The following KCNH7 variants were observed in gnomAD, a reference collection of about 807,000 sequenced individuals.
KCNH7 encodes the protein potassium voltage-gated channel subfamily H member 7, also known as voltage-gated inwardly rectifying potassium channel KCNH7.
In KCNH7, 49 loss-of-function variants were observed where a neutral mutation model predicts 120.8. That is an observed-to-expected ratio of 0.41 (90% CI 0.32 to 0.51). The LOEUF (loss-of-function observed/expected upper bound fraction) is 0.51, where lower values mean the gene tolerates loss of function less well. KCNH7 is among the 20% of genes least tolerant of loss of function. The pLI, the probability that KCNH7 is intolerant of heterozygous loss-of-function variation, is 0.38. For synonymous variants in KCNH7, 547 were observed against 516.1 expected, an observed-to-expected ratio of 1.06 and a Z score of -0.81; for missense variants, 1,097 against 1,446.6, an observed-to-expected ratio of 0.76 and a Z score of 3.92.
intron 8 of KCNH7, among the ~76,000 whole-genome samples, chr2:162,434,398 T>A (rs1688171548): frequency 6.6e-6 from 1 of 152,120 alleles, no homozygotes; most frequent in South Asian, 2.1e-4. Flanking sequence ...GTTGAAATTA[T>A]TTTTTAAAAT....
chr2:162,681,986 T>C (rs1483283131), intron 2 of KCNH7, among the ~76,000 whole-genome samples: 1 of 151,246 alleles, frequency 6.6e-6, no homozygotes, highest in Non-Finnish European at 1.5e-5. Context: ...TTTTTCTGTG[T>C]TTTTTTTCAA....
chr2:162,633,197 T>C (rs940488593), intron 2 of KCNH7, among the ~76,000 whole-genome samples: 2 of 151,938 alleles, frequency 1.3e-5, no homozygotes, highest in African/African-American at 4.8e-5. Context: ...GGGGGTTTTA[T>C]ACATTTTCAC....
At chr2:162,795,106 C>T (rs1247066345) in intron 2 of KCNH7, among the ~76,000 whole-genome samples, 1 of 151,912 alleles carries the variant, frequency 6.6e-6, no homozygotes, top group Admixed American at 6.6e-5. Context: ...TTAGGTATCT[C>T]ATTTCATAGA....
chr2:162,634,255 T>C (rs1456171013), intron 2 of KCNH7, among the ~76,000 whole-genome samples: 1 of 152,038 alleles, frequency 6.6e-6, no homozygotes, highest in Admixed American at 6.6e-5. Flanking sequence ...CCAGTCTCTG[T>C]GCTAGGATTA....
chr2:162,731,458 A>G (rs1687729663), intron 2 of KCNH7, among the ~76,000 whole-genome samples: 1 of 151,920 alleles, frequency 6.6e-6, no homozygotes, highest in South Asian at 2.1e-4. Context: ...CAATCCTTGT[A>G]TATTCATTCT....
At chr2:162,692,066 T>C (rs766886509) in intron 2 of KCNH7, among the ~76,000 whole-genome samples, 3 of 152,056 alleles carry the variant, frequency 2.0e-5, no homozygotes, top group Admixed American at 6.6e-5. Flanking sequence ...TATTTATCAT[T>C]AAGACAATGA....
At chr2:162,502,376 T>C (rs150659823) in intron 6 of KCNH7, 2 of 152,222 alleles carry the variant, frequency 1.3e-5, no homozygotes, top group East Asian at 3.9e-4. Flanking sequence ...CTTGTTATGG[T>C]ACGTAGTACT....
chr2:162,571,216 T>G (rs1361972314), intron 2 of KCNH7, among the ~76,000 whole-genome samples: 1 of 151,976 alleles, frequency 6.6e-6, no homozygotes, highest in Non-Finnish European at 1.5e-5. Flanking sequence ...ACAAAATCAA[T>G]GTACAAAAAT....
intron 14 of KCNH7, among the ~76,000 whole-genome samples, chr2:162,378,608 C>G (rs892321070): frequency 3.3e-5 from 5 of 152,162 alleles, no homozygotes; most frequent in African/African-American, 1.2e-4. Context: ...CCAGGCATAT[C>G]AACGATAGAA....
chr2:162,539,560 G>C (rs1692232897), intron 2 of KCNH7, among the ~76,000 whole-genome samples: 1 of 151,936 alleles, frequency 6.6e-6, no homozygotes, highest in Non-Finnish European at 1.5e-5. Flanking sequence ...GTCTAAATCA[G>C]TAAATTTTCT....
rs1685960093 is a variant in KCNH7, at chr2:162,371,871, A to T, written c.3549T>A (p.Gly1183=). 6.2e-7 allele frequency: 1 copy of T among 1,613,262 alleles called. No homozygotes were observed. The highest frequency in any genetic ancestry group is 8.5e-7 in the Non-Finnish European group (1 of 1,179,314). The change falls in exon 16 of 16, where the codon GGT becomes GGA. Residue 1183 remains glycine, a synonymous_variant. Coordinates refer to ENST00000332142, the MANE Select transcript of KCNH7 (RefSeq NM_033272.4). ...CAGGATCAGAAACATGCCTATGAAG[A>T]CCCACGATTCCTACAGTGCTTAGGG... ...DSSLSTVGIV[G]LHRHVSDPGL... is the part of the protein sequence containing the mutation.
intron 9 of KCNH7, among the ~76,000 whole-genome samples, chr2:162,418,783 A>G (rs924071628): frequency 1.3e-5 from 2 of 152,144 alleles, no homozygotes; most frequent in African/African-American, 4.8e-5. Context: ...TTTCATTAAA[A>G]TGTTCCTTGG....
At chr2:162,672,179 T>C (rs1359188532) in intron 2 of KCNH7, among the ~76,000 whole-genome samples, 2 of 151,966 alleles carry the variant, frequency 1.3e-5, no homozygotes, top group Non-Finnish European at 2.9e-5. Flanking sequence ...CAAACAAAAA[T>C]AACAGCTTGA....
At chr2:162,386,625 T>A (rs1054882840) in intron 12 of KCNH7, among the ~76,000 whole-genome samples, 1 of 151,870 alleles carries the variant, frequency 6.6e-6, no homozygotes, top group Admixed American at 6.6e-5. Flanking sequence ...TCTACACTTT[T>A]GTGGAGTGTT....
At position 162,693,758 on chromosome 2, in the gene KCNH7, A is replaced by G. The variant is rs1339990166; in HGVS notation, c.307+142779T>C. Among the ~76,000 whole-genome samples, 4 of 152,304 alleles carry G rather than the reference A, an allele frequency of 2.6e-5. No homozygotes were observed. The South Asian group carries it at 6.2e-4, about 24-fold the overall frequency. On this transcript the variant is annotated intron_variant, in intron 2 of 15. Transcript: ENST00000332142. ...ATGGTATGTATTTCTTAATGACTGA[A>G]AAGAATGAGGATAATTTCCAAATCT...
At chr2:162,752,958 GAAAAGA>G (rs1688635354) in intron 2 of KCNH7, among the ~76,000 whole-genome samples, 1 of 108,856 alleles carries the variant, frequency 9.2e-6, no homozygotes, top group African/African-American at 6.3e-5. Flanking sequence ...GAAAAGAAAA[GAAAAGA>G]AAAGAAAAGA....
At chr2:162,784,300 A>G (rs1683620632) in intron 2 of KCNH7, among the ~76,000 whole-genome samples, 1 of 152,130 alleles carries the variant, frequency 6.6e-6, no homozygotes. Flanking sequence ...CTGCTTTTAT[A>G]TAACATGGAG....
intron 2 of KCNH7, chr2:162,796,988 G>A: frequency 6.6e-6 from 1 of 152,018 alleles, no homozygotes; most frequent in East Asian, 1.9e-4. Context: ...AGTGTCACAA[G>A]GATACGTAGA....
rs1345455692 is a variant in KCNH7 at position 162,384,693 on chromosome 2, C to T, written c.2957G>A (p.Cys986Tyr). Residue 986 changes from cysteine to tyrosine, a missense_variant, in exon 13 of 16, where the codon TGC (cysteine) becomes TAC (tyrosine). Around this residue, in one of 8 missense-constraint regions of KCNH7, gnomAD observed 406 missense variants for 410.5 expected, o/e 0.99. Coordinates refer to ENST00000332142, the MANE Select transcript of KCNH7 (RefSeq NM_033272.4). Reference sequence around the variant, plus strand: ...GATGTCTAACTCTGGATTACCTTTGCAAGAGTGACTTCTTTTATCTATGTG... The same window carrying T: ...GATGTCTAACTCTGGATTACCTTTGTAAGAGTGACTTCTTTTATCTATGTG... ...RMHIDKRSHS[C>Y]KDITDMRSWE... is the part of the protein sequence containing the mutation. 1 of 1,612,072 alleles carries T rather than the reference C, an allele frequency of 6.2e-7. No individual in the cohort carries two copies. Among genetic ancestry groups the T allele is most frequent in the Non-Finnish European group, 8.5e-7 (1 of 1,178,702 alleles).
Sources: allele counts gnomAD v4.1 joint callset (sites outside exome capture counted in the v4.1 genomes callset), GRCh38; gene constraint gnomAD v4.1.1; regional missense constraint gnomAD v4.1.1; transcripts MANE v1.5; gene names NCBI Gene and HGNC (gene_info 2026-07-23, HGNC 2026-07-21).